Variants in OFD1 observed in about 807,000 individuals in gnomAD.
The protein encoded by OFD1 is OFD1 centriole and centriolar satellite protein.
Under a neutral mutation model 81.4 loss-of-function variants are expected in OFD1, and 12 were observed. The observed-to-expected ratio is 0.15, with a 90% CI of 0.09 to 0.24. The LOEUF (loss-of-function observed/expected upper bound fraction) is 0.24. Among genes scored for constraint, OFD1 ranks in the 10% least tolerant of loss-of-function variants. The probability of loss-of-function intolerance (pLI) is 1.00; values close to 1 mark genes in which losing one functional copy is unlikely to be tolerated. For synonymous variants in OFD1, 256 were observed against 263.7 expected (o/e 0.97, Z 0.28); for missense variants, 685 against 733.9 (o/e 0.93, Z 0.77).
At chrX:13,716,075 T>A in the OFD1 span, 1 of 1,190,508 alleles carries the variant, frequency 8.4e-7, no homozygotes, top group Non-Finnish European at 1.1e-6. Context: ...TCATGAAGCA[T>A]AATAAACCTC....
At chrX:13,715,706 C>T in the OFD1 span, 35 of 656,423 alleles carry the variant, frequency 5.3e-5, 1 homozygote, top group Non-Finnish European at 6.4e-5. Flanking sequence ...AGGCTGCTTT[C>T]TTGCTGTCTT....
intron 19 of OFD1, 145 bp from the exon 20 acceptor site, chrX:13,766,982 A>G: frequency 1.8e-6 from 1 of 559,544 alleles, no homozygotes; most frequent in East Asian, 3.3e-5. Context: ...GGTGAAAATG[A>G]AATAGTGACT....
chrX:13,734,578 C>T (rs565023344), upstream of OFD1: 78 of 574,578 alleles, frequency 1.4e-4, 1 homozygote, highest in South Asian at 4.9e-3. Flanking sequence ...CGGAAGAGAC[C>T]CGCGCCCCGA....
In OFD1 at chrX:13,738,666, T is replaced by C. The variant is rs1350937431; in HGVS notation, c.313-180T>C. On this transcript the variant is annotated intron_variant, in intron 3 of 22. Transcript: ENST00000340096. Reference sequence around the variant, plus strand: ...ATATTTTATCCTTTTGACCTTGATATGTTTATAGTAATTTATTTAACAGTG... The same window carrying C: ...ATATTTTATCCTTTTGACCTTGATACGTTTATAGTAATTTATTTAACAGTG... The C allele has an allele frequency of 7.9e-5, 32 of 405,616 alleles. No homozygotes were observed. The East Asian group carries it at 1.2e-3, about 15-fold the overall frequency. The allele number at this position is 405,616 out of a possible 1,213,427, so 33.4% of individuals were successfully genotyped here. A position where few individuals can be genotyped will look rare whatever the true frequency, so the allele number is the denominator to read the frequency against.
chrX:13,737,743 C>T (rs2046927631), intron 3 of OFD1, among the ~76,000 whole-genome samples: 1 of 111,762 alleles, frequency 8.9e-6, no homozygotes, highest in Non-Finnish European at 1.9e-5. Flanking sequence ...GTTTCATATT[C>T]CAAAGTTTTA....
intron 6 of OFD1, among the ~76,000 whole-genome samples, chrX:13,745,652 G>A (rs2047264752): frequency 8.9e-6 from 1 of 111,836 alleles, no homozygotes; most frequent in Non-Finnish European, 1.9e-5. Context: ...TTTCCCCTCT[G>A]TGCATACTTT....
chrX:13,763,715 G>A, intron 18 of OFD1, 30 bp from the exon 19 acceptor site: 3 of 1,098,750 alleles, frequency 2.7e-6, no homozygotes, highest in Non-Finnish European at 3.8e-6. Context: ...TTATTATTAA[G>A]GACTCATGGG....
chrX:13,739,956 C>T, intron 5 of OFD1: 3 of 888,397 alleles, frequency 3.4e-6, no homozygotes, highest in Non-Finnish European at 4.2e-6. Context: ...TAGTAATAGT[C>T]CTTTTGTGTT....
upstream of OFD1, among the ~76,000 whole-genome samples, chrX:13,729,823 G>A (rs1002504565): frequency 3.6e-5 from 4 of 111,919 alleles, no homozygotes; most frequent in African/African-American, 1.3e-4. Flanking sequence ...CAGAAGAATT[G>A]CTTGAATCCA....
intron 5 of OFD1, among the ~76,000 whole-genome samples, chrX:13,743,450 C>A (rs952716103): frequency 9.0e-6 from 1 of 111,572 alleles, no homozygotes; most frequent in Non-Finnish European, 1.9e-5. Context: ...CCCTTTGTGC[C>A]CTTGTGAAAG....
At chrX:13,764,296 A>G (rs1416676755) in intron 19 of OFD1, among the ~76,000 whole-genome samples, 2 of 112,470 alleles carry the variant, frequency 1.8e-5, no homozygotes, top group East Asian at 5.6e-4. Flanking sequence ...AATATTATTT[A>G]TTTTTCTATC....
At chrX:13,757,027 C>T (rs755745751) in intron 13 of OFD1, among the ~76,000 whole-genome samples, 4 of 111,677 alleles carry the variant, frequency 3.6e-5, no homozygotes, top group African/African-American at 6.5e-5. Context: ...CACTGTGCCT[C>T]ATGGCCAAGT....
intron 3 of OFD1, among the ~76,000 whole-genome samples, chrX:13,737,919 G>C (rs1036017803): frequency 2.2e-4 from 25 of 111,199 alleles, no homozygotes; most frequent in Non-Finnish European, 9.4e-5. Context: ...GCGCAGTCTT[G>C]GCTCACTGCA....
chrX:13,767,174 C>T lies in OFD1; in HGVS notation c.2647C>T (p.Arg883Trp), dbSNP rs149790559. 15 of 1,206,981 alleles carry T rather than the reference C, an allele frequency of 1.2e-5. No individual in the cohort carries two copies. In the African/African-American group the frequency reaches 1.9e-4, roughly 16 times the overall value. Residue 883 changes from arginine (R) to tryptophan (W), a missense_variant, in exon 20 of 23, where the codon CGG (arginine) becomes TGG (tryptophan). Physicochemically the swap from Arg to Trp is moderately radical, Grantham distance 101 (BLOSUM62 -3). Around this residue, in one of 3 missense-constraint regions of OFD1, gnomAD observed 259 missense variants for 254.4 expected, o/e 1.02. Transcript: ENST00000340096. Reference sequence around the variant, plus strand: ...AGAACAAAAGGAAGAAGAAAAAATACGGGAACAGCAAGTGAAAGAACGAAG... The same window carrying T: ...AGAACAAAAGGAAGAAGAAAAAATATGGGAACAGCAAGTGAAAGAACGAAG... ...IEEQKEEEKI[R>W]EQQVKERRQR...
intron 12 of OFD1, 84 bp downstream of exon 12, chrX:13,755,326 C>A: frequency 1.5e-6 from 1 of 672,448 alleles, no homozygotes; most frequent in Non-Finnish European, 2.4e-6. Flanking sequence ...CCTAAGTCAT[C>A]CTGTTGAGAT....
intron 11 of OFD1, among the ~76,000 whole-genome samples, chrX:13,754,595 A>G (rs916627748): frequency 1.8e-5 from 2 of 109,079 alleles, no homozygotes; most frequent in Admixed American, 9.7e-5. Flanking sequence ...TTTTGTAGAG[A>G]GAGAGTTTCA....
At chrX:13,744,619 G>A in intron 6 of OFD1, 100 bp downstream of exon 6, 1 of 573,221 alleles carries the variant, frequency 1.7e-6, no homozygotes, top group Non-Finnish European at 3.0e-6. Flanking sequence ...CCTTGAACTG[G>A]AGGGATGCAG....
At chrX:13,771,042 A>G (rs1177674736), downstream of OFD1, 4 of 112,824 alleles carry the variant, frequency 3.5e-5, no homozygotes, top group Non-Finnish European at 7.5e-5. Flanking sequence ...ACTATTATCT[A>G]CAAATATTTA....
chrX:13,726,099 T>A, the OFD1 span, among the ~76,000 whole-genome samples: 1 of 111,915 alleles, frequency 8.9e-6, no homozygotes, highest in South Asian at 3.7e-4. Flanking sequence ...CCAAGAAATA[T>A]GGGACTATGT....
Sources: gnomAD v4.1 joint callset for allele counts (sites outside exome capture counted in the v4.1 genomes callset) on GRCh38, gnomAD v4.1.1 for gene constraint, gnomAD v4.1.1 regional missense constraint, MANE v1.5 for transcripts, NCBI Gene and HGNC (gene_info 2026-07-23, HGNC 2026-07-21) for gene names.